Variants in TPD52 observed in about 807,000 individuals in gnomAD.
TPD52 encodes the protein prostate and colon associated protein.
Under a neutral mutation model 31.3 loss-of-function variants are expected in TPD52, and 17 were observed. That is an observed-to-expected ratio of 0.54 (90% confidence interval 0.37 to 0.82). TPD52 has a LOEUF of 0.82. Ranked by LOEUF, TPD52 falls within the 40% of genes least tolerant of loss-of-function variation. TPD52 has a pLI of 0.00. For synonymous variants in TPD52, 83 were observed against 89.6 expected (o/e 0.93, Z 0.42); for missense variants, 212 against 240.1 (o/e 0.88, Z 0.77).
intron 1 of TPD52, among the ~76,000 whole-genome samples, chr8:80,130,854 T>C (rs1808970660): frequency 6.6e-6 from 1 of 152,066 alleles, no homozygotes; most frequent in Non-Finnish European, 1.5e-5. Context: ...AGGGCTCCGT[T>C]AACAAAAAGG....
intron 1 of TPD52, among the ~76,000 whole-genome samples, chr8:80,111,276 GGTCA>G (rs1314370355): frequency 6.6e-6 from 1 of 152,138 alleles, no homozygotes; most frequent in Non-Finnish European, 1.5e-5. Context: ...TTTAACCACT[GGTCA>G]GTCAGAAATT....
At chr8:80,093,098 T>C (rs1357855719) in intron 1 of TPD52, among the ~76,000 whole-genome samples, 2 of 152,182 alleles carry the variant, frequency 1.3e-5, no homozygotes, top group Non-Finnish European at 2.9e-5. Flanking sequence ...CAAGTTCAGA[T>C]AGGACAAAAC....
intron 1 of TPD52, among the ~76,000 whole-genome samples, chr8:80,125,421 AAAACAAAC>A (rs953790798): frequency 6.6e-6 from 1 of 152,166 alleles, no homozygotes; most frequent in Non-Finnish European, 1.5e-5. Context: ...GTCCCATTAA[AAAACAAAC>A]AAACAAACAA....
At chr8:80,082,166 T>C (rs1241954986) in intron 1 of TPD52, among the ~76,000 whole-genome samples, 1 of 152,070 alleles carries the variant, frequency 6.6e-6, no homozygotes, top group East Asian at 1.9e-4. Context: ...AAAATCTGTA[T>C]TTTTCTCCTA....
chr8:80,062,482 T>TG (rs1188430197), intron 2 of TPD52, among the ~76,000 whole-genome samples: 2 of 152,192 alleles, frequency 1.3e-5, no homozygotes, highest in Non-Finnish European at 1.5e-5. Context: ...GATTTAGAAA[T>TG]GGATTCTTAG....
chr8:80,117,695 G>C (rs1807958965), intron 1 of TPD52, among the ~76,000 whole-genome samples: 1 of 150,488 alleles, frequency 6.6e-6, no homozygotes, highest in African/African-American at 2.4e-5. Context: ...TTGAAAGAGA[G>C]AACAACTTAG....
chr8:80,106,754 GA>G (rs1807150674), intron 1 of TPD52, among the ~76,000 whole-genome samples: 1 of 150,326 alleles, frequency 6.7e-6, no homozygotes, highest in Admixed American at 6.6e-5. Context: ...GCAAAAGGCA[GA>G]AGGGTATCAC....
At chr8:80,051,065 C>T (rs976250765) in intron 4 of TPD52, among the ~76,000 whole-genome samples, 2 of 150,620 alleles carry the variant, frequency 1.3e-5, no homozygotes, top group Admixed American at 1.3e-4. Context: ...ATAGTTACAG[C>T]TTACCAGTTA....
chr8:80,066,326 C>T (rs1425390762), intron 1 of TPD52, among the ~76,000 whole-genome samples: 2 of 152,014 alleles, frequency 1.3e-5, no homozygotes, highest in South Asian at 2.1e-4. Flanking sequence ...CATGGCAGCA[C>T]CAAAATAGTG....
intron 1 of TPD52, among the ~76,000 whole-genome samples, chr8:80,098,793 T>C (rs1344642319): frequency 6.6e-6 from 1 of 152,238 alleles, no homozygotes; most frequent in Non-Finnish European, 1.5e-5. Context: ...GGTAAAATGC[T>C]ATCAAACAGC....
intron 1 of TPD52, among the ~76,000 whole-genome samples, chr8:80,071,843 G>C (rs1401495616): frequency 1.3e-5 from 2 of 151,918 alleles, no homozygotes; most frequent in African/African-American, 2.4e-5. Context: ...CGCCACTCCC[G>C]TGCCTTAAGT....
intron 1 of TPD52, among the ~76,000 whole-genome samples, chr8:80,088,890 T>C (rs530779505): frequency 1.8e-4 from 27 of 151,494 alleles, no homozygotes; most frequent in African/African-American, 6.5e-4. Flanking sequence ...AGAGACGGGG[T>C]TTCACTGCAT....
chr8:80,124,269 G>C (rs1463032322), intron 1 of TPD52, among the ~76,000 whole-genome samples: 1 of 151,934 alleles, frequency 6.6e-6, no homozygotes, highest in Non-Finnish European at 1.5e-5. Flanking sequence ...GGGCTCAAGT[G>C]ATCCTCCTAC....
chr8:80,038,392 G>C (rs2097836583), intron 7 of TPD52, among the ~76,000 whole-genome samples, 157 bp from the exon 8 acceptor site: 1 of 152,164 alleles, frequency 6.6e-6, no homozygotes, highest in African/African-American at 2.4e-5. Flanking sequence ...TTGTTGCAAT[G>C]TTCAGTGTGG....
intron 1 of TPD52, among the ~76,000 whole-genome samples, chr8:80,132,310 G>C (rs1010256580): frequency 6.6e-6 from 1 of 152,194 alleles, no homozygotes; most frequent in African/African-American, 2.4e-5. Flanking sequence ...TACAAAGGCT[G>C]GTGGCCCCAG....
chr8:80,075,646 G>C (rs1168247850), intron 1 of TPD52, among the ~76,000 whole-genome samples: 1 of 151,952 alleles, frequency 6.6e-6, no homozygotes, highest in East Asian at 1.9e-4. Flanking sequence ...CCACTGCTCT[G>C]CTCCCCTGCC....
At chr8:80,130,280 A>C (rs1407590975) in intron 1 of TPD52, among the ~76,000 whole-genome samples, 3 of 152,182 alleles carry the variant, frequency 2.0e-5, no homozygotes, top group Admixed American at 1.3e-4. Flanking sequence ...ACCATTAAAA[A>C]CTTCTAACTT....
chr8:80,054,159 C>A (rs547861059), intron 2 of TPD52, among the ~76,000 whole-genome samples: 1 of 152,150 alleles, frequency 6.6e-6, no homozygotes, highest in East Asian at 1.9e-4. Context: ...CTCAACTATT[C>A]GTCTCTCTCA....
At chr8:80,143,438 C>T (rs1052185070) in intron 1 of TPD52, among the ~76,000 whole-genome samples, 1 of 152,182 alleles carries the variant, frequency 6.6e-6, no homozygotes, top group African/African-American at 2.4e-5. Context: ...AAGTTTGGCT[C>T]CTTTGGGACA....
Sources: gnomAD v4.1 joint callset for allele counts (sites outside exome capture counted in the v4.1 genomes callset) on GRCh38, gnomAD v4.1.1 for gene constraint, MANE v1.5 for transcripts, NCBI Gene and HGNC (gene_info 2026-07-23, HGNC 2026-07-21) for gene names.